The following LRP1B variants were observed in gnomAD, a reference collection of about 807,000 sequenced individuals.
LRP1B encodes LDL receptor related protein 1B.
Under a neutral mutation model 556.6 loss-of-function variants are expected in LRP1B, and 217 were observed. The ratio of observed to expected loss-of-function variants is 0.39; its 90% CI spans 0.35 to 0.44. LRP1B has a LOEUF of 0.44. Ranked by LOEUF, LRP1B falls within the 20% of genes least tolerant of loss-of-function variation. The probability of loss-of-function intolerance (pLI) is 1.00; values close to 1 mark genes in which losing one functional copy is unlikely to be tolerated. For missense variants in LRP1B, 5,053 were observed against 5,620.8 expected (o/e 0.90, Z 3.23); for synonymous variants, 2,047 against 1,865.8 (o/e 1.10, Z -2.50).
At chr2:142,002,824 A>G (rs1702695527) in intron 1 of LRP1B, among the ~76,000 whole-genome samples, 1 of 152,132 alleles carries the variant, frequency 6.6e-6, no homozygotes, top group South Asian at 2.1e-4. Context: ...AGTGGGTGGC[A>G]GGGAACAGAT....
chr2:140,866,335 A>G (rs1310512545), intron 27 of LRP1B, among the ~76,000 whole-genome samples: 1 of 152,134 alleles, frequency 6.6e-6, no homozygotes, highest in African/African-American at 2.4e-5. Flanking sequence ...GGTCAGAATA[A>G]TAACTTCTTG....
At chr2:140,828,501 C>T (rs113859718) in intron 31 of LRP1B, among the ~76,000 whole-genome samples, 8,524 of 45,712 alleles carry the variant, frequency 0.19, 2 homozygotes, top group East Asian at 0.28. Context: ...CCCAGCTACT[C>T]GGGAGGCTGA....
chr2:141,440,225 A>G (rs1227756780), intron 3 of LRP1B, among the ~76,000 whole-genome samples: 1 of 152,212 alleles, frequency 6.6e-6, no homozygotes, highest in Admixed American at 6.5e-5. Flanking sequence ...ATTTGCGCCC[A>G]GCCCGGCCCT....
intron 1 of LRP1B, among the ~76,000 whole-genome samples, chr2:141,853,536 A>G (rs1270687086): frequency 6.6e-6 from 1 of 151,772 alleles, no homozygotes; most frequent in Non-Finnish European, 1.5e-5. Context: ...TTGTCTCGGT[A>G]TTGTTATGAA....
intron 2 of LRP1B, among the ~76,000 whole-genome samples, chr2:141,618,325 A>G (rs1159109115): frequency 6.6e-6 from 1 of 152,194 alleles, no homozygotes; most frequent in African/African-American, 2.4e-5. Flanking sequence ...CCTTGGGTTC[A>G]TTAACTAATG....
chr2:141,053,794 G>T (rs1490767826), intron 10 of LRP1B, among the ~76,000 whole-genome samples: 2 of 149,334 alleles, frequency 1.3e-5, no homozygotes, highest in South Asian at 2.1e-4. Flanking sequence ...TCCAATGTGT[G>T]TATGTATGTA....
At position 140,297,865 on chromosome 2, in the gene LRP1B, C is replaced by T. The variant is rs753190235; in HGVS notation, c.12910G>A (p.Gly4304Arg). ...TGGCAGTGGCAGTAAGGCTGGTTTC[C>T]AGCAGTCACAATGCAGGTTCCTCCA... ...QNGGTCIVTAGNQPYCHCQPE... is the reference protein window; with the variant it reads ...QNGGTCIVTARNQPYCHCQPE... The change falls in exon 84 of 91, where the codon GGA (glycine) becomes AGA (arginine). Residue 4304 changes from glycine to arginine, a missense_variant. Physicochemically the swap from Gly to Arg is moderately radical, Grantham distance 125. This residue lies in a region of LRP1B where 551 missense variants were observed against 592.0 expected (regional missense o/e 0.93). Coordinates refer to ENST00000389484, the MANE Select transcript of LRP1B (RefSeq NM_018557.3). 3 of 1,613,934 alleles carry T rather than the reference C, an allele frequency of 1.9e-6. No individual in the cohort carries two copies. Among genetic ancestry groups the T allele is most frequent in the Non-Finnish European group, 2.5e-6 (3 of 1,179,906 alleles).
chr2:141,259,183 G>A (rs1395129396), intron 3 of LRP1B, among the ~76,000 whole-genome samples: 1 of 152,112 alleles, frequency 6.6e-6, no homozygotes, highest in Non-Finnish European at 1.5e-5. Flanking sequence ...GAGTCTAAAA[G>A]GATAAAAATT....
At chr2:141,296,110 C>T (rs1686175278) in intron 3 of LRP1B, among the ~76,000 whole-genome samples, 1 of 152,020 alleles carries the variant, frequency 6.6e-6, no homozygotes, top group African/African-American at 2.4e-5. Context: ...AAAGTCTGGC[C>T]TTTAGGAGCC....
intron 17 of LRP1B, among the ~76,000 whole-genome samples, chr2:140,989,072 G>A (rs1558785031): frequency 6.6e-6 from 1 of 151,832 alleles, no homozygotes; most frequent in Non-Finnish European, 1.5e-5. Flanking sequence ...ATTTCATGGG[G>A]AAAAAAACCT....
chr2:141,138,784 T>G (rs1402808673), intron 7 of LRP1B, among the ~76,000 whole-genome samples: 1 of 151,928 alleles, frequency 6.6e-6, no homozygotes, highest in African/African-American at 2.4e-5. Context: ...TGTCAAGATG[T>G]CTGTTCTCTC....
At chr2:141,895,577 C>T (rs1574472031) in intron 1 of LRP1B, among the ~76,000 whole-genome samples, 2 of 152,200 alleles carry the variant, frequency 1.3e-5, no homozygotes, top group East Asian at 3.9e-4. Flanking sequence ...ATTGTTATTC[C>T]AATTAAGCAA....
intron 1 of LRP1B, among the ~76,000 whole-genome samples, chr2:142,050,814 A>G (rs1347573684): frequency 1.3e-5 from 2 of 152,098 alleles, no homozygotes; most frequent in Non-Finnish European, 2.9e-5. Context: ...CTCCTTTCCC[A>G]ACTAAATTTA....
At chr2:140,659,622 A>G (rs1685020671) in intron 41 of LRP1B, among the ~76,000 whole-genome samples, 2 of 152,126 alleles carry the variant, frequency 1.3e-5, no homozygotes, top group Non-Finnish European at 2.9e-5. Context: ...CAGTAAATAT[A>G]GAATGAACCC....
intron 18 of LRP1B, among the ~76,000 whole-genome samples, chr2:140,977,598 GT>G (rs60725702): frequency 0.85 from 128,973 of 151,650 alleles, 55,121 homozygotes; most frequent in South Asian, 0.92. Context: ...CAGTAATTGC[GT>G]TTTTTTTTGT....
intron 84 of LRP1B, among the ~76,000 whole-genome samples, chr2:140,277,044 C>T (rs1682701273): frequency 6.6e-6 from 1 of 151,388 alleles, no homozygotes. Context: ...ACATTGAAAA[C>T]CAAAATTAAA....
At chr2:142,026,723 T>C (rs1014342163) in intron 1 of LRP1B, among the ~76,000 whole-genome samples, 2 of 152,066 alleles carry the variant, frequency 1.3e-5, no homozygotes, top group African/African-American at 4.8e-5. Context: ...TATGAATGTG[T>C]ATTGCCCAGA....
intron 2 of LRP1B, among the ~76,000 whole-genome samples, chr2:141,569,677 G>T (rs1686459026): frequency 6.6e-6 from 1 of 151,074 alleles, no homozygotes; most frequent in African/African-American, 2.4e-5. Flanking sequence ...TATTTGGATT[G>T]ATTCATAATC....
chr2:140,233,153 T>C lies in LRP1B; in HGVS notation c.*33A>G. 2.2e-6 allele frequency: 3 copies of C among 1,385,508 alleles called. No homozygotes were observed. The highest frequency in any genetic ancestry group is 3.0e-6 in the Non-Finnish European group (3 of 1,008,080). The allele number at this position is 1,385,508 out of a possible 1,614,324, so 85.8% of individuals were successfully genotyped here. A position where few individuals can be genotyped will look rare whatever the true frequency, so the allele number is the denominator to read the frequency against. On this transcript the variant is annotated 3_prime_UTR_variant, in exon 91 of 91. Coordinates refer to ENST00000389484, the MANE Select transcript of LRP1B (RefSeq NM_018557.3). Reference sequence around the variant, plus strand: ...ATACAAAAGTAATCCTTATATTTTATACATTTATACAGCATATAAAAGATA... The same window carrying C: ...ATACAAAAGTAATCCTTATATTTTACACATTTATACAGCATATAAAAGATA...
Sources: allele counts gnomAD v4.1 joint callset (sites outside exome capture counted in the v4.1 genomes callset), GRCh38; gene constraint gnomAD v4.1.1; regional missense constraint gnomAD v4.1.1; transcripts MANE v1.5; gene names NCBI Gene and HGNC (gene_info 2026-07-23, HGNC 2026-07-21).